Variants in CNTN6 observed in about 807,000 individuals in gnomAD.
The protein encoded by CNTN6 is contactin 6.
CNTN6 carries 137 observed loss-of-function variants against 122.8 expected under a neutral mutation model. That is an observed-to-expected ratio of 1.12 (90% CI 0.97 to 1.29). The LOEUF (loss-of-function observed/expected upper bound fraction) is 1.29, where lower values mean the gene tolerates loss of function less well. Ranked by LOEUF, CNTN6 falls within the 50% of genes most tolerant of loss-of-function variation. The probability of loss-of-function intolerance (pLI) is 0.00; values close to 1 mark genes in which losing one functional copy is unlikely to be tolerated. For synonymous variants in CNTN6, 570 were observed against 426.0 expected, an observed-to-expected ratio of 1.34 and a Z score of -4.16; for missense variants, 1,634 against 1,223.4, an observed-to-expected ratio of 1.34 and a Z score of -5.01.
At chr3:1,202,410 G>C (rs553165678) in intron 2 of CNTN6, among the ~76,000 whole-genome samples, 1 of 120,632 alleles carries the variant, frequency 8.3e-6, no homozygotes, top group Admixed American at 7.7e-5. Context: ...CGTGGTGGCG[G>C]GCGCCTGTAG....
chr3:1,281,176 G>A (rs745683518), intron 5 of CNTN6, among the ~76,000 whole-genome samples: 8 of 152,086 alleles, frequency 5.3e-5, no homozygotes, highest in African/African-American at 1.4e-4. Flanking sequence ...ACAAGGGCAC[G>A]GGTCGTTGAA....
intron 7 of CNTN6, among the ~76,000 whole-genome samples, chr3:1,300,599 A>G (rs867301713): frequency 4.2e-5 from 5 of 120,140 alleles, no homozygotes; most frequent in Non-Finnish European, 8.1e-5. Flanking sequence ...GAAAGAAAGA[A>G]AGAAAGAGAG....
At chr3:1,121,998 C>G (rs562882181) in intron 1 of CNTN6, among the ~76,000 whole-genome samples, 1 of 152,094 alleles carries the variant, frequency 6.6e-6, no homozygotes, top group South Asian at 2.1e-4. Context: ...GTTCTGATCT[C>G]TCTAGACCTC....
intron 1 of CNTN6, among the ~76,000 whole-genome samples, chr3:1,112,482 A>G (rs1421934691): frequency 6.6e-6 from 1 of 151,916 alleles, no homozygotes; most frequent in African/African-American, 2.4e-5. Flanking sequence ...CTTCTGTGTA[A>G]CTCCAAAAGC....
At chr3:1,118,132 T>C (rs767213816) in intron 1 of CNTN6, among the ~76,000 whole-genome samples, 1 of 152,198 alleles carries the variant, frequency 6.6e-6, no homozygotes, top group African/African-American at 2.4e-5. Flanking sequence ...GTAACTCTGC[T>C]GCGGTGGTTG....
At chr3:1,147,212 T>G (rs2092741407) in intron 1 of CNTN6, among the ~76,000 whole-genome samples, 1 of 152,124 alleles carries the variant, frequency 6.6e-6, no homozygotes, top group Non-Finnish European at 1.5e-5. Flanking sequence ...ATAATAGTTT[T>G]ATCAAATGTA....
chr3:1,300,960 A>T (rs183673324), intron 7 of CNTN6, among the ~76,000 whole-genome samples: 57 of 150,934 alleles, frequency 3.8e-4, no homozygotes, highest in African/African-American at 1.3e-3. Flanking sequence ...CTCCATGGTG[A>T]TGGAAATAAT....
chr3:1,201,334 T>C (rs538152130), intron 2 of CNTN6, among the ~76,000 whole-genome samples: 2 of 152,254 alleles, frequency 1.3e-5, no homozygotes, highest in Non-Finnish European at 2.9e-5. Flanking sequence ...GTTAGCATCA[T>C]GGCTTCCAAT....
chr3:1,137,310 T>C (rs1323878597), intron 1 of CNTN6, among the ~76,000 whole-genome samples: 1 of 152,254 alleles, frequency 6.6e-6, no homozygotes, highest in African/African-American at 2.4e-5. Flanking sequence ...CTTTTTGTTG[T>C]ACTTTTACCG....
intron 2 of CNTN6, among the ~76,000 whole-genome samples, chr3:1,159,663 A>C (rs1180010887): frequency 6.6e-6 from 1 of 151,890 alleles, no homozygotes; most frequent in Non-Finnish European, 1.5e-5. Flanking sequence ...TATCTAGTAT[A>C]AATTGACAGA....
intron 1 of CNTN6, among the ~76,000 whole-genome samples, chr3:1,131,864 G>A (rs912004937): frequency 6.6e-6 from 1 of 152,010 alleles, no homozygotes; most frequent in Non-Finnish European, 1.5e-5. Context: ...AAGTTTGAAG[G>A]AAAAATGTAG....
chr3:1,402,462 G>C lies in CNTN6; in HGVS notation c.2962G>C (p.Glu988Gln). 2 of 1,609,454 alleles carry C rather than the reference G, an allele frequency of 1.2e-6. No individual in the cohort carries two copies. Among genetic ancestry groups the C allele is most frequent in the Non-Finnish European group, 8.5e-7 (1 of 1,176,854 alleles). ...TGGTGGAGATGGAAGCAGCAGTGAG[G>C]AAATTAGGATTCCAAAAATGTCAAG... ...SDGGDGSSSE[E>Q]IRIPKMSSLS... The change falls in exon 22 of 23, where the codon GAA becomes CAA. Residue 988 changes from glutamate (E) to glutamine (Q), a missense_variant. Transcript: ENST00000446702.
chr3:1,197,869 G>T (rs542531254), intron 2 of CNTN6, among the ~76,000 whole-genome samples: 1 of 152,072 alleles, frequency 6.6e-6, no homozygotes, highest in African/African-American at 2.4e-5. Context: ...TAATTATCTG[G>T]TAGTTACTAT....
At chr3:1,233,734 C>CAAAAAAAAAAAAAAAAAA (rs1166507455) in intron 4 of CNTN6, among the ~76,000 whole-genome samples, 2 of 52,168 alleles carry the variant, frequency 3.8e-5, no homozygotes, top group African/African-American at 1.7e-4. Flanking sequence ...GACTCTGTCT[C>CAAAAAAAAAAAAAAAAAA]AAAAAAAAAA....
At chr3:1,279,004 G>T (rs540650983) in intron 5 of CNTN6, among the ~76,000 whole-genome samples, 1 of 152,130 alleles carries the variant, frequency 6.6e-6, no homozygotes, top group African/African-American at 2.4e-5. Context: ...TTGTTACTAC[G>T]TTTTTATTTT....
chr3:1,132,033 T>G (rs1196854256), intron 1 of CNTN6, among the ~76,000 whole-genome samples: 3 of 152,094 alleles, frequency 2.0e-5, no homozygotes, highest in Non-Finnish European at 4.4e-5. Flanking sequence ...GAAAGCAATT[T>G]GGAAAGAAAA....
intron 12 of CNTN6, among the ~76,000 whole-genome samples, chr3:1,367,739 A>G (rs573519389): frequency 1.2e-3 from 179 of 152,230 alleles, no homozygotes; most frequent in African/African-American, 4.2e-3. Context: ...CTGGGTAGTC[A>G]TAGTCCTGGA....
intron 2 of CNTN6, among the ~76,000 whole-genome samples, chr3:1,156,023 TGGA>T (rs1359860177): frequency 6.6e-6 from 1 of 152,236 alleles, no homozygotes; most frequent in African/African-American, 2.4e-5. Context: ...CAACAAATAT[TGGA>T]AGTTCTCCAA....
chr3:1,371,782 CA>C (rs1392169011), intron 12 of CNTN6, among the ~76,000 whole-genome samples: 1 of 152,046 alleles, frequency 6.6e-6, no homozygotes, highest in Non-Finnish European at 1.5e-5. Context: ...GCATCTTTAA[CA>C]AAAAGAAAAT....
Sources: gnomAD v4.1 joint callset for allele counts (sites outside exome capture counted in the v4.1 genomes callset) on GRCh38, gnomAD v4.1.1 for gene constraint, MANE v1.5 for transcripts, NCBI Gene and HGNC (gene_info 2026-07-23, HGNC 2026-07-21) for gene names.